The following GGA1 variants were observed in gnomAD, a reference collection of about 807,000 sequenced individuals.
GGA1 encodes ADP-ribosylation factor-binding protein GGA1.
GGA1 carries 18 observed loss-of-function variants against 76.9 expected under a neutral mutation model. The observed-to-expected ratio is 0.23, with a 90% CI of 0.16 to 0.35. The LOEUF is 0.35. Ranked by LOEUF, GGA1 falls within the 10% of genes least tolerant of loss-of-function variation. The pLI, the probability that GGA1 is intolerant of heterozygous loss-of-function variation, is 1.00. For synonymous variants in GGA1, 342 were observed against 354.7 expected (o/e 0.96, Z 0.40); for missense variants, 755 against 859.0 (o/e 0.88, Z 1.51).
chr22:37,615,941 C>T (rs1002055798), intron 2 of GGA1, among the ~76,000 whole-genome samples: 1 of 151,292 alleles, frequency 6.6e-6, no homozygotes, highest in Non-Finnish European at 1.5e-5. Flanking sequence ...CCCAGGTTCA[C>T]GCGGTTCTCC....
In GGA1 at chr22:37,632,573, C is replaced by T. The variant is rs766257692; in HGVS notation, c.1810-28C>T. ...GGACGGCCACTTCTCCTCCTCTGAC[C>T]CCTCTGCCTTTGCCATCTCTTCCCC... On this transcript the variant is annotated intron_variant, in intron 16 of 16. Transcript: ENST00000343632. The surrounding 1 kb of genome is among the most constrained non-coding windows in gnomAD (Gnocchi z 5.1). 2.5e-6 allele frequency: 4 copies of T among 1,586,942 alleles called. No individual in the cohort carries two copies. Among genetic ancestry groups the T allele is most frequent in the African/African-American group, 1.3e-5 (1 of 74,346 alleles).
Position 37,630,941 on chromosome 22 carries a change from A to C in GGA1, c.1370A>C (p.Asp457Ala). 6.2e-7 allele frequency: 1 copy of C among 1,613,144 alleles called. No homozygotes were observed. The highest frequency in any genetic ancestry group is 2.2e-5 in the East Asian group (1 of 44,822). ...QQPTPRLTLR[D>A]LQNKSSSCSS... ...CCAACCCCCCGGCTCACACTCCGGG[A>C]CCTGCAGAATAAGAGCAGCAGCTGC... The change falls in exon 14 of 17, where the codon GAC becomes GCC. Residue 457 changes from aspartate (D) to alanine (A), a missense_variant. Asp to Ala is a moderately radical substitution (Grantham distance 126). Coordinates refer to ENST00000343632, the MANE Select transcript of GGA1 (RefSeq NM_013365.5).
intron 1 of GGA1, among the ~76,000 whole-genome samples, chr22:37,613,460 G>A (rs1928130567): frequency 6.6e-6 from 1 of 152,020 alleles, no homozygotes; most frequent in Admixed American, 6.6e-5. Context: ...GAGGGCAGTG[G>A]CGAGACCTCG....
Position 37,632,011 on chromosome 22 carries a change from T to TG in GGA1, c.1545dup (p.Thr516AspfsTer4). 1 of 1,611,290 alleles carries TG rather than the reference T, an allele frequency of 6.2e-7. No individual in the cohort carries two copies. The highest frequency in any genetic ancestry group is 2.2e-5 in the East Asian group (1 of 44,832). ...TCTCCCACAGGCAACATCCTGCCCG[T>TG]GACTGTGTATGACCAGCACGGCTTC... is the stretch of plus-strand genomic sequence containing the variant. On this transcript the variant is annotated frameshift_variant, in exon 15 of 17. Coordinates refer to ENST00000343632, the MANE Select transcript of GGA1 (RefSeq NM_013365.5). LOFTEE classifies it high-confidence loss of function. The surrounding 1 kb of genome is among the most constrained non-coding windows in gnomAD (Gnocchi z 5.1).
Position 37,625,054 on chromosome 22 carries a change from T to A in GGA1, c.918T>A (p.Asp306Glu), listed in dbSNP as rs1930564045. 4 of 1,598,264 alleles carry A rather than the reference T, an allele frequency of 2.5e-6. No homozygotes were observed. The East Asian group carries it at 9.0e-5, about 36-fold the overall frequency. Residue 306 changes from aspartate (D) to glutamate (E), a missense_variant, in exon 10 of 17, where the codon GAT becomes GAA. Transcript: ENST00000343632. The surrounding 1 kb of genome is among the most constrained non-coding windows in gnomAD (Gnocchi z 4.1). ...TGCGGGGTGAGGAGGTCAACGGTGA[T>A]GCCACAGCCGGCTCCATCCCTGGTG... ...QLVRGEEVNGDATAGSIPGST... is the reference protein window; with the variant it reads ...QLVRGEEVNGEATAGSIPGST...
At chr22:37,615,038 C>T (rs1046036558) in intron 2 of GGA1, among the ~76,000 whole-genome samples, 1 of 152,204 alleles carries the variant, frequency 6.6e-6, no homozygotes, top group African/African-American at 2.4e-5. Context: ...CTTAGCCAGG[C>T]ATGGTGGTGC....
In GGA1 at chr22:37,630,891, C is replaced by T. The variant is rs948474666; in HGVS notation, c.1332-12C>T. 1.3e-6 allele frequency: 2 copies of T among 1,597,946 alleles called. No individual in the cohort carries two copies. The highest frequency in any genetic ancestry group is 1.3e-5 in the African/African-American group (1 of 74,466). On this transcript the variant is annotated splice_polypyrimidine_tract_variant and intron_variant, in intron 13 of 16. Coordinates refer to ENST00000343632, the MANE Select transcript of GGA1 (RefSeq NM_013365.5). ...CAAGAATCACTTCTTAATGCACTGT[C>T]CCCCGATTAAGGGAGAAGCAGCAGC...
At chr22:37,629,652 C>A in intron 12 of GGA1, 126 bp downstream of exon 12, 1 of 631,430 alleles carries the variant, frequency 1.6e-6, no homozygotes, top group Non-Finnish European at 2.7e-6. Context: ...CAGGGGGTGG[C>A]CCAGGGGCCT....
chr22:37,623,573 C>T lies in GGA1; in HGVS notation c.772C>T (p.Arg258Trp), dbSNP rs755782160. ...LMKELYQRCE[R>W]MRPTLFRLAS... Reference sequence around the variant, plus strand: ...TCAGGAACTGTACCAGCGCTGTGAGCGGATGCGGCCCACGCTCTTCCGACT... The same window carrying T: ...TCAGGAACTGTACCAGCGCTGTGAGTGGATGCGGCCCACGCTCTTCCGACT... Residue 258 changes from arginine (R) to tryptophan (W), a missense_variant, in exon 9 of 17, where the codon CGG (arginine) becomes TGG (tryptophan). Physicochemically the swap from Arg to Trp is moderately radical, Grantham distance 101 (BLOSUM62 -3). Coordinates refer to ENST00000343632, the MANE Select transcript of GGA1 (RefSeq NM_013365.5). The surrounding 1 kb of genome is among the most constrained non-coding windows in gnomAD (Gnocchi z 4.6). 1.9e-5 allele frequency: 30 copies of T among 1,610,212 alleles called. No individual in the cohort carries two copies. Among genetic ancestry groups the T allele is most frequent in the South Asian group, 2.2e-5 (2 of 90,778 alleles).
intron 11 of GGA1, among the ~76,000 whole-genome samples, chr22:37,628,198 C>T (rs554682182): frequency 2.6e-5 from 4 of 152,326 alleles, no homozygotes; most frequent in African/African-American, 7.2e-5. Context: ...TTCAACTAAT[C>T]CTCCCATCTC....
intron 14 of GGA1, among the ~76,000 whole-genome samples, chr22:37,631,460 C>A (rs1931788576): frequency 6.6e-6 from 1 of 152,152 alleles, no homozygotes; most frequent in East Asian, 1.9e-4. Context: ...CTGGGTTTTT[C>A]CAGCCCAGGA....
rs1263742574 is a variant in GGA1, at chr22:37,632,909, G to C, written c.*198G>C. On this transcript the variant is annotated 3_prime_UTR_variant, in exon 17 of 17. Transcript: ENST00000343632. This position sits in a 1 kb window ranked among gnomAD's most constrained non-coding sequence, Gnocchi z 5.1. Reference sequence around the variant, plus strand: ...CCCCGCCCCTGCTGAGCCAAACCCAGTAGGAGGCTGGGCCTGGGTTTGTGC... The same window carrying C: ...CCCCGCCCCTGCTGAGCCAAACCCACTAGGAGGCTGGGCCTGGGTTTGTGC... 2 of 578,788 alleles carry C rather than the reference G, an allele frequency of 3.5e-6. No homozygotes were observed. The highest frequency in any genetic ancestry group is 3.1e-6 in the Non-Finnish European group (1 of 322,668). The allele number at this position is 578,788 out of a possible 1,614,324, so 35.9% of individuals were successfully genotyped here.
rs548924374 is a variant in GGA1, at chr22:37,614,331, G to T, written c.128+57G>T. 171 of 1,214,362 alleles carry T rather than the reference G, an allele frequency of 1.4e-4. 1 individual carries two copies. In the East Asian group the frequency reaches 3.8e-3, roughly 27 times the overall value. The allele number at this position is 1,214,362 out of a possible 1,614,324, so 75.2% of individuals were successfully genotyped here. A position where few individuals can be genotyped will look rare whatever the true frequency, so the allele number is the denominator to read the frequency against. On this transcript the variant is annotated intron_variant, in intron 2 of 16. Transcript: ENST00000343632. Reference sequence around the variant, plus strand: ...CCTGCACTCTCCAGAACCCAGTCTCGGGTACAATGGCCTGGGTGGGTGGAG... The same window carrying T: ...CCTGCACTCTCCAGAACCCAGTCTCTGGTACAATGGCCTGGGTGGGTGGAG...
chr22:37,610,345 T>A (rs182915828), intron 1 of GGA1: 2 of 148,728 alleles, frequency 1.3e-5, no homozygotes, highest in Non-Finnish European at 2.9e-5. Flanking sequence ...AAGGATAGCT[T>A]CTTCTTTTTT....
chr22:37,609,055 C>T lies in GGA1; in HGVS notation c.43+152C>T, dbSNP rs999134567. 5 of 1,488,156 alleles carry T rather than the reference C, an allele frequency of 3.4e-6. No homozygotes were observed. In the Admixed American group the frequency reaches 8.9e-5, roughly 26 times the overall value. The allele number at this position is 1,488,156 out of a possible 1,614,324, so 92.2% of individuals were successfully genotyped here. A position where few individuals can be genotyped will look rare whatever the true frequency, so the allele number is the denominator to read the frequency against. On this transcript the variant is annotated intron_variant, in intron 1 of 16. Transcript: ENST00000343632. ...CGGTGTCCTCAGTCGGCCCCTCAGA[C>T]CCTGGAGCGATGGAGGACCCCGGCC...
At chr22:37,611,857 A>C (rs576733649) in intron 1 of GGA1, among the ~76,000 whole-genome samples, 177 of 152,322 alleles carry the variant, frequency 1.2e-3, no homozygotes, top group African/African-American at 4.1e-3. Flanking sequence ...TTGTCATCCA[A>C]AATCAATATT....
rs928254944 is a variant in GGA1, at chr22:37,608,915, G to A, written c.43+12G>A. The stretch of plus-strand genomic sequence containing the variant: ...GGAGGCGCGAATCAGTGAGTGTCCG[G>A]GAGGGGCGCGGGCCGGACCGGAACC... On this transcript the variant is annotated intron_variant, in intron 1 of 16. Transcript: ENST00000343632. 29 of 1,322,912 alleles carry A rather than the reference G, an allele frequency of 2.2e-5. No homozygotes were observed. Among genetic ancestry groups the A allele is most frequent in the Non-Finnish European group, 2.8e-5 (29 of 1,036,478 alleles). 81.9% of individuals were successfully genotyped at this position (1,322,912 alleles called of 1,614,324 possible).
chr22:37,630,211 CCT>C (rs769929507), intron 13 of GGA1, 41 bp downstream of exon 13: 2 of 1,432,488 alleles, frequency 1.4e-6, no homozygotes, highest in South Asian at 2.7e-5. Context: ...GGGAGCACTC[CCT>C]GTTCCCACAA....
chr22:37,613,287 G>C, intron 1 of GGA1: 2 of 451,066 alleles, frequency 4.4e-6, no homozygotes, highest in Non-Finnish European at 5.9e-6. Context: ...GGTCAGAGGT[G>C]TACCAGCTCC....
Sources: gnomAD v4.1 joint callset for allele counts (sites outside exome capture counted in the v4.1 genomes callset) on GRCh38, gnomAD v4.1.1 for gene constraint, Gnocchi (gnomAD v3.1) non-coding constraint, MANE v1.5 for transcripts, NCBI Gene and HGNC (gene_info 2026-07-23, HGNC 2026-07-21) for gene names.